The following CTPS1 variants were observed in gnomAD, a reference collection of about 807,000 sequenced individuals.
CTPS1 encodes the protein CTP synthetase 1.
CTPS1 carries 25 observed loss-of-function variants against 80.5 expected under a neutral mutation model. That is an observed-to-expected ratio of 0.31 (90% CI 0.23 to 0.43). The LOEUF is 0.43. Ranked by LOEUF, CTPS1 falls within the 20% of genes least tolerant of loss-of-function variation. The pLI is 1.00. For synonymous variants in CTPS1, 267 were observed against 252.5 expected, an observed-to-expected ratio of 1.06 and a Z score of -0.54; for missense variants, 442 against 725.7, an observed-to-expected ratio of 0.61 and a Z score of 4.49.
intron 3 of CTPS1, among the ~76,000 whole-genome samples, chr1:40,986,903 G>A: frequency 6.6e-6 from 1 of 152,188 alleles, no homozygotes; most frequent in East Asian, 1.9e-4. Flanking sequence ...CCCGGGTGCT[G>A]TGCTTCTAAC....
In CTPS1 at chr1:40,988,587, C is replaced by T; in HGVS notation, c.439-7C>T. ...GCCTAACCTCTGAAACAACTTTGTT[C>T]TTCTAGCTTGGTGGAACCGTGGGGG... On this transcript the variant is annotated splice_polypyrimidine_tract_variant and splice_region_variant and intron_variant, in intron 4 of 18. Coordinates refer to ENST00000650070, the MANE Select transcript of CTPS1 (RefSeq NM_001905.4). 1 of 1,607,408 alleles carries T rather than the reference C, an allele frequency of 6.2e-7. No homozygotes were observed. Among genetic ancestry groups the T allele is most frequent in the African/African-American group, 1.3e-5 (1 of 74,906 alleles).
intron 3 of CTPS1, among the ~76,000 whole-genome samples, chr1:40,986,063 G>C (rs1480287939): frequency 1.3e-5 from 2 of 152,264 alleles, no homozygotes; most frequent in Non-Finnish European, 2.9e-5. Context: ...CCTCACTGGT[G>C]CTGGTGATGC....
chr1:40,981,187 A>T (rs183647846), intron 1 of CTPS1: 6 of 152,318 alleles, frequency 3.9e-5, no homozygotes, highest in Admixed American at 3.3e-4. Context: ...TATGGGCCCA[A>T]ATCTGATTAA....
At chr1:40,986,487 AAAGTTG>A (rs1642457019) in intron 3 of CTPS1, among the ~76,000 whole-genome samples, 1 of 152,220 alleles carries the variant, frequency 6.6e-6, no homozygotes, top group African/African-American at 2.4e-5. Context: ...AAGCCACCGA[AAAGTTG>A]AAGTGTGGGA....
At chr1:40,999,541 A>T (rs1642849767) in intron 9 of CTPS1, among the ~76,000 whole-genome samples, 1 of 152,194 alleles carries the variant, frequency 6.6e-6, no homozygotes. Context: ...TAGTGACACA[A>T]ACCCCCTAGA....
intron 7 of CTPS1, among the ~76,000 whole-genome samples, chr1:40,993,474 A>G (rs34502739): frequency 0.11 from 16,628 of 151,486 alleles, 1,276 homozygotes; most frequent in East Asian, 0.28. Context: ...CTGAGTAGCT[A>G]GTACCTTAGG....
At chr1:40,989,663 G>A (rs769784334) in intron 5 of CTPS1, among the ~76,000 whole-genome samples, 2 of 152,052 alleles carry the variant, frequency 1.3e-5, no homozygotes, top group Non-Finnish European at 2.9e-5. Flanking sequence ...GAAACTTACA[G>A]GGAACTGAGG....
At chr1:41,006,618 C>T (rs939950955) in intron 13 of CTPS1, among the ~76,000 whole-genome samples, 3 of 152,154 alleles carry the variant, frequency 2.0e-5, no homozygotes, top group Admixed American at 6.5e-5. Flanking sequence ...ATTCTCAGCC[C>T]GCTGTACTGT....
At chr1:40,987,999 ACCT>A (rs1642499610) in intron 4 of CTPS1, among the ~76,000 whole-genome samples, 1 of 151,840 alleles carries the variant, frequency 6.6e-6, no homozygotes, top group Admixed American at 6.6e-5. Flanking sequence ...TGCAACCTTG[ACCT>A]CCTGGGCTCA....
At position 41,011,847 on chromosome 1, in the gene CTPS1, C is replaced by G. The variant is rs983440613; in HGVS notation, c.*199C>G. 6.6e-6 allele frequency: 1 copy of G among 152,152 alleles called. No individual in the cohort carries two copies. The highest frequency in any genetic ancestry group is 1.5e-5 in the Non-Finnish European group (1 of 68,046). The allele number at this position is 152,152 out of a possible 1,614,324, so 9.4% of individuals were successfully genotyped here. The stretch of plus-strand genomic sequence containing the variant: ...GCTCCTCTGTGGTGTCTGCCTGTTG[C>G]GTGACACTCTCCTTGCAGTTCTTGA... On this transcript the variant is annotated 3_prime_UTR_variant, in exon 19 of 19. Transcript: ENST00000650070.
chr1:40,990,912 A>T (rs1639716890), intron 5 of CTPS1, among the ~76,000 whole-genome samples: 1 of 152,224 alleles, frequency 6.6e-6, no homozygotes, highest in South Asian at 2.1e-4. Context: ...AGATCAGTTA[A>T]GAGTTGAAGA....
intron 1 of CTPS1, 163 bp from the exon 2 acceptor site, chr1:40,983,115 G>C (rs1179173083): frequency 3.8e-6 from 2 of 527,248 alleles, no homozygotes; most frequent in African/African-American, 1.9e-5. Flanking sequence ...TGTTTGTTTT[G>C]ATCCTATTTA....
At chr1:40,981,923 T>G in intron 1 of CTPS1, 1 of 1,214,918 alleles carries the variant, frequency 8.2e-7, no homozygotes, top group South Asian at 1.3e-5. Context: ...TCTTGTTCCT[T>G]AGTTTATTTT....
chr1:41,009,439 T>C lies in CTPS1; in HGVS notation c.1547-6T>C. The C allele has an allele frequency of 6.4e-7, 1 of 1,561,672 alleles. No homozygotes were observed. Among genetic ancestry groups the C allele is most frequent in the East Asian group, 2.3e-5 (1 of 43,676 alleles). On this transcript the variant is annotated splice_region_variant and splice_polypyrimidine_tract_variant and intron_variant, in intron 16 of 18. Coordinates refer to ENST00000650070, the MANE Select transcript of CTPS1 (RefSeq NM_001905.4). ...TGAAGCTGTTTCTTTTGAATCTCTA[T>C]TTCAGATCATCCCTTTTTTGTTGGG...
intron 1 of CTPS1, chr1:40,981,894 G>A (rs956571486): frequency 2.1e-6 from 2 of 963,582 alleles, no homozygotes; most frequent in South Asian, 1.4e-5. Flanking sequence ...GGAATGCTTC[G>A]AGCACAACTC....
Position 40,987,463 on chromosome 1 carries a change from T to C in CTPS1, c.429T>C (p.Cys143=). The C allele has an allele frequency of 6.2e-7, 1 of 1,607,500 alleles. No homozygotes were observed. Among genetic ancestry groups the C allele is most frequent in the Non-Finnish European group, 8.5e-7 (1 of 1,174,164 alleles). Residue 143 remains cysteine, a synonymous_variant, in exon 4 of 19, where the codon TGT becomes TGC. Transcript: ENST00000650070. ...AAGATGGCCTGGAACCTCAAGTGTG[T>C]GTTATTGAGGTTTGTATGATTCCTG... ...VDEDGLEPQV[C]VIELGGTVGD... is the part of the protein sequence containing the mutation.
intron 7 of CTPS1, among the ~76,000 whole-genome samples, chr1:40,992,893 T>C (rs957505235): frequency 6.6e-6 from 1 of 151,706 alleles, no homozygotes; most frequent in Admixed American, 6.6e-5. Context: ...GGGGTTTCAT[T>C]ATGTTGGCCA....
intron 3 of CTPS1, among the ~76,000 whole-genome samples, chr1:40,986,809 C>A (rs1200698068): frequency 6.6e-6 from 1 of 152,090 alleles, no homozygotes; most frequent in African/African-American, 2.4e-5. Context: ...GTGGGGAAAA[C>A]AAGCTTAAAA....
intron 7 of CTPS1, among the ~76,000 whole-genome samples, chr1:40,992,716 A>T (rs1642645199): frequency 6.9e-6 from 1 of 144,114 alleles, no homozygotes; most frequent in African/African-American, 2.6e-5. Flanking sequence ...ATTGAGACAG[A>T]GTCTCGCTGT....
Sources: gnomAD v4.1 joint callset for allele counts (sites outside exome capture counted in the v4.1 genomes callset) on GRCh38, gnomAD v4.1.1 for gene constraint, MANE v1.5 for transcripts, NCBI Gene and HGNC (gene_info 2026-07-23, HGNC 2026-07-21) for gene names.